Variants in GNAQ observed in about 807,000 individuals in gnomAD.
The protein encoded by GNAQ is guanine nucleotide-binding protein G(q) subunit alpha.
GNAQ carries 8 observed loss-of-function variants against 43.9 expected under a neutral mutation model. That is an observed-to-expected ratio of 0.18 (90% CI 0.11 to 0.33). The LOEUF is 0.33. Among genes scored for constraint, GNAQ ranks in the 10% least tolerant of loss-of-function variants. GNAQ has a pLI of 1.00. For synonymous variants in GNAQ, 155 were observed against 170.7 expected (o/e 0.91, Z 0.71); for missense variants, 158 against 450.8 (o/e 0.35, Z 5.88).
chr9:77,885,661 G>C (rs568006371), intron 2 of GNAQ, among the ~76,000 whole-genome samples: 1 of 151,994 alleles, frequency 6.6e-6, no homozygotes, highest in African/African-American at 2.4e-5. Flanking sequence ...TACTGTCTCA[G>C]TACGGATGGA....
In GNAQ at chr9:77,948,067, G is replaced by A. The variant is rs904545122; in HGVS notation, c.137-25722C>T. Among the ~76,000 whole-genome samples the A allele has an allele frequency of 7.2e-5, 11 of 152,300 alleles. 1 individual carries two copies. The highest frequency in any genetic ancestry group is 5.9e-4 in the Admixed American group (9 of 15,290). On this transcript the variant is annotated intron_variant, in intron 1 of 6. Coordinates refer to ENST00000286548, the MANE Select transcript of GNAQ (RefSeq NM_002072.5). ...TGGCACAAGAAAGTGTTAGACAGGT[G>A]TTAACTATTGTTATTAATATTTATT...
chr9:77,930,645 G>A (rs1056137063), intron 1 of GNAQ, among the ~76,000 whole-genome samples: 1 of 152,132 alleles, frequency 6.6e-6, no homozygotes, highest in Non-Finnish European at 1.5e-5. Flanking sequence ...ATTTTGATGT[G>A]TGGTGTGCAG....
chr9:77,772,121 C>A (rs1826231070), intron 5 of GNAQ, among the ~76,000 whole-genome samples: 1 of 152,110 alleles, frequency 6.6e-6, no homozygotes, highest in Non-Finnish European at 1.5e-5. Flanking sequence ...AATTATGACC[C>A]ATATTAACAA....
At chr9:77,794,828 G>GAAAACTGT (rs1432548495) in intron 4 of GNAQ, among the ~76,000 whole-genome samples, 1 of 152,030 alleles carries the variant, frequency 6.6e-6, no homozygotes, top group African/African-American at 2.4e-5. Flanking sequence ...CAGTGTGTAC[G>GAAAACTGT]AAAACTGTAA....
chr9:77,997,779 C>A (rs1166467818), intron 1 of GNAQ, among the ~76,000 whole-genome samples: 1 of 152,158 alleles, frequency 6.6e-6, no homozygotes, highest in Non-Finnish European at 1.5e-5. Flanking sequence ...CACAGGCACC[C>A]GGCGGGCAAG....
At chr9:77,977,311 C>T (rs1157044942) in intron 1 of GNAQ, among the ~76,000 whole-genome samples, 1 of 152,056 alleles carries the variant, frequency 6.6e-6, no homozygotes, top group Non-Finnish European at 1.5e-5. Context: ...AGATTAAGGC[C>T]AAAAGCAAAA....
At chr9:77,998,866 C>A (rs760273738) in intron 1 of GNAQ, among the ~76,000 whole-genome samples, 1 of 151,968 alleles carries the variant, frequency 6.6e-6, no homozygotes, top group Admixed American at 6.6e-5. Flanking sequence ...GCGGGCAGAT[C>A]ACCTGAGGTC....
chr9:77,818,603 A>G (rs1827058477), intron 2 of GNAQ, among the ~76,000 whole-genome samples: 1 of 152,214 alleles, frequency 6.6e-6, no homozygotes, highest in Non-Finnish European at 1.5e-5. Context: ...ACAATTATTA[A>G]TGAAAAAGAC....
chr9:77,756,390 C>A (rs951836883), intron 5 of GNAQ, among the ~76,000 whole-genome samples: 1 of 152,244 alleles, frequency 6.6e-6, no homozygotes, highest in African/African-American at 2.4e-5. Flanking sequence ...GCCCCTATGG[C>A]ACAGACTATT....
intron 5 of GNAQ, among the ~76,000 whole-genome samples, chr9:77,732,986 T>C (rs895588948): frequency 8.5e-5 from 13 of 152,110 alleles, no homozygotes; most frequent in Non-Finnish European, 1.9e-4. Flanking sequence ...TGTGTCCTGG[T>C]TGGTCTCTGC....
At chr9:77,795,908 G>A (rs1417483227) in intron 4 of GNAQ, among the ~76,000 whole-genome samples, 1 of 152,034 alleles carries the variant, frequency 6.6e-6, no homozygotes, top group Non-Finnish European at 1.5e-5. Context: ...TACAAAACGT[G>A]GAAAAAACAA....
intron 1 of GNAQ, among the ~76,000 whole-genome samples, chr9:77,976,281 A>G (rs914108623): frequency 6.6e-6 from 1 of 152,248 alleles, no homozygotes; most frequent in African/African-American, 2.4e-5. Context: ...AAGGCTGAAG[A>G]ACAACTGGGG....
At chr9:77,829,439 G>T (rs1827261442) in intron 2 of GNAQ, among the ~76,000 whole-genome samples, 1 of 152,160 alleles carries the variant, frequency 6.6e-6, no homozygotes, top group Non-Finnish European at 1.5e-5. Context: ...TATGTTCCCT[G>T]CTTTCTTCAA....
At chr9:77,935,986 T>A (rs1489393716) in intron 1 of GNAQ, among the ~76,000 whole-genome samples, 2 of 152,172 alleles carry the variant, frequency 1.3e-5, no homozygotes, top group African/African-American at 2.4e-5. Context: ...TGCTCGGAAG[T>A]ATCACACCTT....
intron 1 of GNAQ, among the ~76,000 whole-genome samples, chr9:77,964,672 A>AAAC (rs142667674): frequency 0.3 from 44,862 of 151,744 alleles, 6,810 homozygotes; most frequent in South Asian, 0.44. Flanking sequence ...AATAAAACAA[A>AAAC]AACAACAAGA....
At chr9:77,959,810 T>C (rs1405589006) in intron 1 of GNAQ, among the ~76,000 whole-genome samples, 1 of 152,182 alleles carries the variant, frequency 6.6e-6, no homozygotes, top group Non-Finnish European at 1.5e-5. Flanking sequence ...CCAATCAGTT[T>C]TTCTACAGCA....
intron 1 of GNAQ, among the ~76,000 whole-genome samples, chr9:77,949,171 G>A (rs117263769): frequency 0.014 from 2,115 of 152,254 alleles, 28 homozygotes; most frequent in Non-Finnish European, 0.021. Context: ...AATACTAAGC[G>A]GCAAAACTGG....
At chr9:77,794,283 C>T (rs1277675931) in intron 5 of GNAQ, among the ~76,000 whole-genome samples, 180 bp downstream of exon 5, 1 of 152,120 alleles carries the variant, frequency 6.6e-6, no homozygotes, top group Non-Finnish European at 1.5e-5. Context: ...CAAAGACCTG[C>T]TCACACATCT....
At chr9:77,770,065 ATAAT>A (rs1375819192) in intron 5 of GNAQ, among the ~76,000 whole-genome samples, 8 of 152,192 alleles carry the variant, frequency 5.3e-5, no homozygotes. Context: ...ATGGTACTGA[ATAAT>A]TAGTGAAATG....
Sources: allele counts gnomAD v4.1 joint callset (sites outside exome capture counted in the v4.1 genomes callset), GRCh38; gene constraint gnomAD v4.1.1; transcripts MANE v1.5; gene names NCBI Gene and HGNC (gene_info 2026-07-23, HGNC 2026-07-21).